The following THSD7B variants were observed in gnomAD, a reference collection of about 807,000 sequenced individuals.
The protein encoded by THSD7B is thrombospondin type 1 domain containing 7B, also known as thrombospondin type-1 domain-containing protein 7B.
In THSD7B, 138 loss-of-function variants were observed where a neutral mutation model predicts 213.6. That is an observed-to-expected ratio of 0.65 (90% CI 0.56 to 0.74). THSD7B has a LOEUF of 0.74. Ranked by LOEUF, THSD7B falls within the 30% of genes least tolerant of loss-of-function variation. The pLI, the probability that THSD7B is intolerant of heterozygous loss-of-function variation, is 0.00. For synonymous variants in THSD7B, 742 were observed against 687.0 expected (o/e 1.08, Z -1.25); for missense variants, 1,931 against 1,991.5 (o/e 0.97, Z 0.58).
In THSD7B at chr2:137,616,319, AC is replaced by A; in HGVS notation, c.3565+4del. 6.2e-7 allele frequency: 1 copy of A among 1,612,306 alleles called. No homozygotes were observed. The highest frequency in any genetic ancestry group is 8.5e-7 in the Non-Finnish European group (1 of 1,179,224). On this transcript the variant is annotated splice_donor_region_variant and intron_variant, in intron 18 of 27. Transcript: ENST00000409968. The stretch of plus-strand genomic sequence containing the variant: ...CCAGTTCCAGTACAATCTAACAGGT[AC>A]AGTTAAAATCTATGACCTTGTCGTT...
At chr2:137,658,388 A>T (rs1208331703) in intron 24 of THSD7B, among the ~76,000 whole-genome samples, 3 of 152,194 alleles carry the variant, frequency 2.0e-5, no homozygotes, top group Non-Finnish European at 4.4e-5. Flanking sequence ...TATAACATGT[A>T]ATCATCTGAT....
chr2:137,175,629 G>C (rs1172038247), intron 7 of THSD7B, among the ~76,000 whole-genome samples: 1 of 152,140 alleles, frequency 6.6e-6, no homozygotes, highest in African/African-American at 2.4e-5. Flanking sequence ...ATCATTAACT[G>C]TGAACACTCC....
intron 2 of THSD7B, among the ~76,000 whole-genome samples, chr2:136,904,578 G>A (rs959681892): frequency 3.4e-5 from 2 of 59,546 alleles, no homozygotes; most frequent in South Asian, 4.1e-4. Flanking sequence ...GCTTGGAACC[G>A]GGCAGAGGTT....
intron 2 of THSD7B, among the ~76,000 whole-genome samples, chr2:136,954,803 A>C (rs1242070435): frequency 5.3e-5 from 8 of 151,838 alleles, no homozygotes; most frequent in Non-Finnish European, 8.8e-5. Context: ...AGACTGTGAA[A>C]AAGTGCATTT....
At chr2:137,343,122 T>C (rs1684800056) in intron 12 of THSD7B, among the ~76,000 whole-genome samples, 1 of 151,312 alleles carries the variant, frequency 6.6e-6, no homozygotes, top group Admixed American at 6.6e-5. Flanking sequence ...TTTTTGCAGG[T>C]TTGTTTTATT....
At chr2:137,586,122 T>C (rs1681720669) in intron 17 of THSD7B, among the ~76,000 whole-genome samples, 1 of 152,124 alleles carries the variant, frequency 6.6e-6, no homozygotes, top group Non-Finnish European at 1.5e-5. Context: ...TCTTTGTTGG[T>C]TTAAAGTCTG....
At chr2:137,434,464 G>A (rs1444657890) in intron 14 of THSD7B, among the ~76,000 whole-genome samples, 1 of 152,164 alleles carries the variant, frequency 6.6e-6, no homozygotes, top group Non-Finnish European at 1.5e-5. Flanking sequence ...AACCCCGTAT[G>A]GCACTGTGCC....
chr2:136,813,633 T>C (rs1682422261), intron 1 of THSD7B, among the ~76,000 whole-genome samples: 1 of 140,220 alleles, frequency 7.1e-6, no homozygotes, highest in African/African-American at 2.5e-5. Flanking sequence ...GTTCACGTGC[T>C]ATTCTATCAT....
chr2:137,455,786 G>T (rs531881540), intron 15 of THSD7B, among the ~76,000 whole-genome samples: 1 of 152,282 alleles, frequency 6.6e-6, no homozygotes, highest in Admixed American at 6.5e-5. Flanking sequence ...ATTTTTCACA[G>T]TCTCTAATGT....
At chr2:137,612,004 A>C (rs1682298243) in intron 17 of THSD7B, among the ~76,000 whole-genome samples, 1 of 152,160 alleles carries the variant, frequency 6.6e-6, no homozygotes, top group South Asian at 2.1e-4. Flanking sequence ...TTAATAGAAA[A>C]ATTTTCAAGG....
At chr2:136,796,350 A>G (rs1239857022) in intron 1 of THSD7B, among the ~76,000 whole-genome samples, 2 of 151,936 alleles carry the variant, frequency 1.3e-5, no homozygotes, top group East Asian at 1.9e-4. Flanking sequence ...TTGTTTTCCT[A>G]TGATCTGGTA....
chr2:136,976,120 G>A (rs1254322418), intron 2 of THSD7B, among the ~76,000 whole-genome samples: 1 of 152,188 alleles, frequency 6.6e-6, no homozygotes, highest in Non-Finnish European at 1.5e-5. Flanking sequence ...CATGTCATCT[G>A]CAAACAAAGA....
At chr2:136,836,363 C>G (rs142060683) in intron 1 of THSD7B, among the ~76,000 whole-genome samples, 15 of 152,202 alleles carry the variant, frequency 9.9e-5, no homozygotes, top group Non-Finnish European at 1.9e-4. Flanking sequence ...AAGAGAGAGC[C>G]TTTTTTCATC....
rs1203085922 is a variant in THSD7B, at chr2:137,616,530, G to C, written c.3565+214G>C. Among the ~76,000 whole-genome samples, 4 of 152,140 alleles carry C rather than the reference G, an allele frequency of 2.6e-5. No individual in the cohort carries two copies. The East Asian group carries it at 7.7e-4, about 29-fold the overall frequency. On this transcript the variant is annotated intron_variant, in intron 18 of 27. Transcript: ENST00000409968. Reference sequence around the variant, plus strand: ...ATCAGCAAGGCCACATAAAATTTCTGTAGTAAGAGAAGCTTAGAAAGATTT... The same window carrying C: ...ATCAGCAAGGCCACATAAAATTTCTCTAGTAAGAGAAGCTTAGAAAGATTT...
chr2:136,886,293 T>C (rs1683715420), intron 2 of THSD7B, among the ~76,000 whole-genome samples: 3 of 152,132 alleles, frequency 2.0e-5, no homozygotes, highest in Middle Eastern at 3.2e-3. Context: ...GACTTTCTTT[T>C]CAATAAGATT....
intron 21 of THSD7B, among the ~76,000 whole-genome samples, chr2:137,652,575 C>G (rs1206534427): frequency 1.3e-5 from 2 of 152,046 alleles, no homozygotes; most frequent in Non-Finnish European, 2.9e-5. Flanking sequence ...TTGATAGGAA[C>G]TTGCTACTGC....
At chr2:137,430,292 A>G (rs1156788149) in intron 14 of THSD7B, among the ~76,000 whole-genome samples, 1 of 152,194 alleles carries the variant, frequency 6.6e-6, no homozygotes, top group Non-Finnish European at 1.5e-5. Context: ...GTGAATATCA[A>G]TATAAACTAA....
intron 12 of THSD7B, among the ~76,000 whole-genome samples, chr2:137,315,337 A>T (rs570279778): frequency 1.3e-4 from 20 of 152,264 alleles, no homozygotes; most frequent in Non-Finnish European, 2.2e-4. Context: ...GAGCTTCCCA[A>T]GTGAGGCAAT....
intron 15 of THSD7B, among the ~76,000 whole-genome samples, chr2:137,546,412 ATATTATATATATT>A (rs1680721306): frequency 5.9e-5 from 2 of 33,946 alleles, no homozygotes; most frequent in Non-Finnish European, 9.1e-5. Context: ...TATTATATAT[ATATTATATATATT>A]ATATATATAT....
Sources: gnomAD v4.1 joint callset for allele counts (sites outside exome capture counted in the v4.1 genomes callset) on GRCh38, gnomAD v4.1.1 for gene constraint, MANE v1.5 for transcripts, NCBI Gene and HGNC (gene_info 2026-07-23, HGNC 2026-07-21) for gene names.